ZNF407: variants seen among roughly 807,000 people sequenced by gnomAD.
The protein encoded by ZNF407 is zinc finger protein 407.
A neutral mutation model predicts 131.2 loss-of-function variants in ZNF407; 17 were observed. That is an observed-to-expected ratio of 0.13 (90% confidence interval 0.09 to 0.19). The LOEUF (loss-of-function observed/expected upper bound fraction) is 0.19. Ranked by LOEUF, ZNF407 falls within the 10% of genes least tolerant of loss-of-function variation. The pLI is 1.00. For synonymous variants in ZNF407, 1,156 were observed against 1,062.0 expected (o/e 1.09, Z -1.72); for missense variants, 2,681 against 2,830.6 (o/e 0.95, Z 1.20).
chr18:74,627,993 G>T (rs886865256), intron 1 of ZNF407, among the ~76,000 whole-genome samples: 7 of 152,116 alleles, frequency 4.6e-5, no homozygotes, highest in African/African-American at 1.7e-4. Flanking sequence ...TCCCACCTCA[G>T]ACTCCTGTGT....
chr18:74,895,153 C>T (rs1293101183), intron 7 of ZNF407, among the ~76,000 whole-genome samples: 1 of 151,330 alleles, frequency 6.6e-6, no homozygotes, highest in African/African-American at 2.4e-5. Flanking sequence ...TACTTATGGC[C>T]GATATAGCTC....
chr18:74,835,330 A>C (rs1484865197), intron 4 of ZNF407, among the ~76,000 whole-genome samples: 1 of 152,186 alleles, frequency 6.6e-6, no homozygotes, highest in East Asian at 1.9e-4. Flanking sequence ...AAGACGGTTC[A>C]GTTCACTGAG....
At chr18:74,852,325 CA>C (rs1970801306) in intron 4 of ZNF407, among the ~76,000 whole-genome samples, 1 of 151,896 alleles carries the variant, frequency 6.6e-6, no homozygotes, top group South Asian at 2.1e-4. Flanking sequence ...AGGAAATATG[CA>C]TAACTTTTGA....
chr18:74,657,013 T>C (rs1460691545), intron 3 of ZNF407, among the ~76,000 whole-genome samples: 3 of 152,116 alleles, frequency 2.0e-5, no homozygotes, highest in Non-Finnish European at 1.5e-5. Flanking sequence ...TTTATTTTTC[T>C]CCCTATTGAG....
intron 4 of ZNF407, among the ~76,000 whole-genome samples, chr18:74,794,273 G>A (rs1489214973): frequency 6.6e-6 from 1 of 152,134 alleles, no homozygotes; most frequent in Non-Finnish European, 1.5e-5. Flanking sequence ...CTTCGTTTTG[G>A]TGCCTTAGGT....
intron 5 of ZNF407, among the ~76,000 whole-genome samples, chr18:74,880,628 T>C (rs1948322502): frequency 6.6e-6 from 1 of 152,204 alleles, no homozygotes; most frequent in South Asian, 2.1e-4. Flanking sequence ...CAATCTGTTT[T>C]CTTTAAGCAG....
At chr18:74,705,091 C>T (rs969048885) in intron 3 of ZNF407, among the ~76,000 whole-genome samples, 1 of 152,030 alleles carries the variant, frequency 6.6e-6, no homozygotes, top group African/African-American at 2.4e-5. Context: ...GTTTCTTCCA[C>T]AGGAGGTTAA....
rs893685208 is a variant in ZNF407, at chr18:74,631,696, G to A, written c.677G>A (p.Ser226Asn). The change falls in exon 2 of 9, where the codon AGC (serine) becomes AAC (asparagine). Residue 226 changes from serine to asparagine, a missense_variant. Around this residue, in one of 6 missense-constraint regions of ZNF407, gnomAD observed 1,789 missense variants for 1,748.7 expected, o/e 1.02. Coordinates refer to ENST00000299687, the MANE Select transcript of ZNF407 (RefSeq NM_017757.3). Reference sequence around the variant, plus strand: ...TGTCACTGCAGCCACAAAGCAGAGAGCAGCTCAGCACTACATATGCATATC... The same window carrying A: ...TGTCACTGCAGCCACAAAGCAGAGAACAGCTCAGCACTACATATGCATATC... ...TCCHCSHKAESSSALHMHIKQ... is the reference protein window; with the variant it reads ...TCCHCSHKAENSSALHMHIKQ... 1 of 1,613,990 alleles carries A rather than the reference G, an allele frequency of 6.2e-7. No homozygotes were observed. The highest frequency in any genetic ancestry group is 1.7e-5 in the Admixed American group (1 of 60,032).
At chr18:74,618,957 T>G (rs1270115946) in intron 1 of ZNF407, among the ~76,000 whole-genome samples, 2 of 152,230 alleles carry the variant, frequency 1.3e-5, no homozygotes, top group African/African-American at 2.4e-5. Context: ...AGAATTACAG[T>G]GTTTCTCAGA....
chr18:74,832,177 T>C (rs1055727515), intron 4 of ZNF407, among the ~76,000 whole-genome samples: 56 of 152,182 alleles, frequency 3.7e-4, no homozygotes, highest in African/African-American at 1.2e-3. Context: ...ACGAAGATGT[T>C]GAGGCTCCAA....
At chr18:74,921,101 C>CA in intron 8 of ZNF407, 1 of 793,306 alleles carries the variant, frequency 1.3e-6, no homozygotes, top group Non-Finnish European at 1.5e-6. Context: ...CTAGTGAATG[C>CA]CTAGAAAGAA....
intron 4 of ZNF407, among the ~76,000 whole-genome samples, chr18:74,839,130 T>A (rs1970597832): frequency 1.3e-5 from 2 of 152,200 alleles, no homozygotes; most frequent in South Asian, 4.1e-4. Flanking sequence ...TGCTGATAAG[T>A]GTAGTTGAGA....
At chr18:74,883,470 G>A (rs541833216) in intron 6 of ZNF407, among the ~76,000 whole-genome samples, 25 of 152,268 alleles carry the variant, frequency 1.6e-4, no homozygotes, top group African/African-American at 1.4e-4. Flanking sequence ...AAAGGAATAC[G>A]TATCAAAAGT....
At chr18:74,764,291 C>A (rs1426729294) in intron 3 of ZNF407, among the ~76,000 whole-genome samples, 1 of 152,082 alleles carries the variant, frequency 6.6e-6, no homozygotes, top group Non-Finnish European at 1.5e-5. Flanking sequence ...TCTGTTTGTG[C>A]TTTTTTTGTG....
chr18:74,670,461 G>T (rs978711973), intron 3 of ZNF407, among the ~76,000 whole-genome samples: 1 of 152,086 alleles, frequency 6.6e-6, no homozygotes, highest in African/African-American at 2.4e-5. Flanking sequence ...ATTCGAATAA[G>T]CAACTGCTTG....
At position 74,805,084 on chromosome 18, in the gene ZNF407, TC is replaced by T. The variant is rs1307104372; in HGVS notation, c.4877+23588del. Among the ~76,000 whole-genome samples the T allele has an allele frequency of 4.6e-5, 7 of 152,280 alleles. No individual in the cohort carries two copies. In the East Asian group the frequency reaches 1.2e-3, roughly 25 times the overall value. ...TTACTTTAAAAAATGACCTCTTTTT[TC>T]CCCCCATGTTGAAGTTCTGCTGTGT... On this transcript the variant is annotated intron_variant, in intron 4 of 8. Coordinates refer to ENST00000299687, the MANE Select transcript of ZNF407 (RefSeq NM_017757.3).
At chr18:74,963,596 C>G (rs12454814) in intron 8 of ZNF407, among the ~76,000 whole-genome samples, 23,917 of 152,094 alleles carry the variant, frequency 0.16, 2,113 homozygotes, top group Admixed American at 0.27. Flanking sequence ...ATAGCAAAAT[C>G]TCCTCATTTA....
At chr18:74,996,189 A>G (rs894209868) in intron 8 of ZNF407, among the ~76,000 whole-genome samples, 2 of 152,212 alleles carry the variant, frequency 1.3e-5, no homozygotes, top group African/African-American at 4.8e-5. Flanking sequence ...AGCTTCCGTA[A>G]GGTAAATCCT....
At chr18:74,979,868 GGGACCTCACAAA>G (rs1972568819) in intron 8 of ZNF407, among the ~76,000 whole-genome samples, 1 of 152,192 alleles carries the variant, frequency 6.6e-6, no homozygotes, top group Non-Finnish European at 1.5e-5. Flanking sequence ...GATTTTTGGA[GGGACCTCACAAA>G]AAGCACTAAT....
Sources: gnomAD v4.1 joint callset for allele counts (sites outside exome capture counted in the v4.1 genomes callset) on GRCh38, gnomAD v4.1.1 for gene constraint, gnomAD v4.1.1 regional missense constraint, MANE v1.5 for transcripts, NCBI Gene and HGNC (gene_info 2026-07-23, HGNC 2026-07-21) for gene names.